ING4: variants seen among roughly 807,000 people sequenced by gnomAD.
ING4 encodes the protein inhibitor of growth family member 4, also known as inhibitor of growth protein 4.
In ING4, 28 loss-of-function variants were observed where a neutral mutation model predicts 33.1. That is an observed-to-expected ratio of 0.85 (90% CI 0.63 to 1.16). The LOEUF is 1.16. ING4 is among the 50% of genes most tolerant of loss of function. ING4 has a pLI of 0.00. For synonymous variants in ING4, 87 were observed against 104.4 expected (o/e 0.83, Z 1.02); for missense variants, 247 against 314.7 (o/e 0.78, Z 1.63).
At chr12:6,651,463 G>T in intron 6 of ING4, 78 bp from the exon 7 acceptor site, 1 of 1,221,482 alleles carries the variant, frequency 8.2e-7, no homozygotes, top group South Asian at 1.2e-5. Context: ...GATTCCTTAG[G>T]AACATCCTGT....
chr12:6,652,938 T>G lies in ING4; in HGVS notation c.389A>C (p.Lys130Thr), dbSNP rs2136265046. ...TCACAGCCCCGCCCCCTCCTCACTC[T>G]TTTTGCCTTTGCTGGAAGAGCTGTC... ...DYDSSSSKGKKSRTQKEKKAA... is the reference protein window; with the variant it reads ...DYDSSSSKGKTSRTQKEKKAA... The change falls in exon 4 of 8, where the codon AAG (lysine) becomes ACG (threonine). Residue 130 changes from lysine to threonine, a missense_variant and splice_region_variant. By Grantham distance (78) the Lys-to-Thr change is moderately conservative. This residue lies in a region of ING4 where 198 missense variants were observed against 221.2 expected (regional missense o/e 0.89). Transcript: ENST00000341550. The G allele has an allele frequency of 1.9e-6, 3 of 1,612,864 alleles. No homozygotes were observed. Among genetic ancestry groups the G allele is most frequent in the Non-Finnish European group, 2.5e-6 (3 of 1,178,972 alleles).
At chr12:6,652,201 A>G (rs1757317736) in intron 6 of ING4, 70 bp downstream of exon 6, 5 of 1,538,026 alleles carry the variant, frequency 3.3e-6, no homozygotes, top group Non-Finnish European at 4.4e-6. Flanking sequence ...CAACTGTGGG[A>G]TTTTCCCTCT....
chr12:6,663,095 C>T lies in ING4; in HGVS notation c.7G>A (p.Ala3Thr), dbSNP rs1373600572. Residue 3 changes from alanine (A) to threonine (T), a missense_variant, in exon 1 of 8, where the codon GCG becomes ACG. Around this residue, in one of 3 missense-constraint regions of ING4, gnomAD observed 198 missense variants for 221.2 expected, o/e 0.89. Coordinates refer to ENST00000341550, the MANE Select transcript of ING4 (RefSeq NM_016162.4). Reference sequence around the variant, plus strand: ...AGATAATGTTCCAAATACATCCCCGCAGCCATCTCGAAGCAAAACAAAGCA... The same window carrying T: ...AGATAATGTTCCAAATACATCCCCGTAGCCATCTCGAAGCAAAACAAAGCA... MAAGMYLEHYLDS... is the reference protein window; with the variant it reads MATGMYLEHYLDS... 1.9e-6 allele frequency: 3 copies of T among 1,614,204 alleles called. No individual in the cohort carries two copies. The highest frequency in any genetic ancestry group is 1.7e-5 in the Admixed American group (1 of 60,012).
At chr12:6,656,171 CTTTT>C (rs199755461) in intron 2 of ING4, among the ~76,000 whole-genome samples, 1 of 141,058 alleles carries the variant, frequency 7.1e-6, no homozygotes, top group Non-Finnish European at 1.6e-5. Flanking sequence ...TTTAATTCTT[CTTTT>C]TTTTTTTTTT....
intron 6 of ING4, 48 bp downstream of exon 6, chr12:6,652,223 C>G: frequency 6.3e-7 from 1 of 1,592,768 alleles, no homozygotes; most frequent in Non-Finnish European, 8.6e-7. Context: ...GTACCCACTC[C>G]CTTCATGCCC....
At chr12:6,652,618 G>T (rs757715279) in intron 5 of ING4, 44 bp downstream of exon 5, 2 of 1,557,124 alleles carry the variant, frequency 1.3e-6, no homozygotes, top group African/African-American at 2.7e-5. Flanking sequence ...GGCACCGGGA[G>T]AGAAGAGGAT....
chr12:6,657,398 G>T (rs1040910050), intron 1 of ING4, among the ~76,000 whole-genome samples: 1 of 151,272 alleles, frequency 6.6e-6, no homozygotes, highest in Non-Finnish European at 1.5e-5. Flanking sequence ...GCAGTGAGCC[G>T]AGATCGCACC....
In ING4 at chr12:6,652,398, G is replaced by A; in HGVS notation, c.518C>T (p.Pro173Leu). ...LVRTSPEYGM[P>L]SVTFGSVHPS... ...GTGGACACTGCCAAAGGTCACTGAG[G>A]GCATCCCATACTCAGGACTTCTGCA... Residue 173 changes from proline (P) to leucine (L), a missense_variant, in exon 6 of 8, where the codon CCC becomes CTC. Transcript: ENST00000341550. The A allele has an allele frequency of 6.2e-7, 1 of 1,613,994 alleles. No homozygotes were observed. Among genetic ancestry groups the A allele is most frequent in the Non-Finnish European group, 8.5e-7 (1 of 1,179,980 alleles).
chr12:6,653,190 T>G (rs777929309), intron 3 of ING4, 40 bp downstream of exon 3: 3 of 1,611,162 alleles, frequency 1.9e-6, no homozygotes, highest in Non-Finnish European at 2.5e-6. Context: ...CCCTGAGGAT[T>G]AGATGGGAAG....
chr12:6,653,282 C>T lies in ING4; in HGVS notation c.224G>A (p.Cys75Tyr). ...CACCTTGTCGTCACCAAATTCCTTG[C>T]ACTTGCCATAGGCTTCCTGGATCTG... is the stretch of plus-strand genomic sequence containing the variant. ...LKQIQEAYGK[C>Y]KEFGDDKVQL... Residue 75 changes from cysteine (C) to tyrosine (Y), a missense_variant, in exon 3 of 8, where the codon TGC becomes TAC. Around this residue, in one of 3 missense-constraint regions of ING4, gnomAD observed 198 missense variants for 221.2 expected, o/e 0.89. Coordinates refer to ENST00000341550, the MANE Select transcript of ING4 (RefSeq NM_016162.4). The T allele has an allele frequency of 6.2e-7, 1 of 1,614,154 alleles. No homozygotes were observed. Among genetic ancestry groups the T allele is most frequent in the East Asian group, 2.2e-5 (1 of 44,874 alleles).
chr12:6,662,619 C>A (rs1039181309), intron 1 of ING4, among the ~76,000 whole-genome samples: 2 of 152,166 alleles, frequency 1.3e-5, no homozygotes, highest in Non-Finnish European at 2.9e-5. Context: ...TCTAGTTCAT[C>A]ATCTGACAGT....
At position 6,652,376 on chromosome 12, in the gene ING4, G is replaced by A. The variant is rs1267680438; in HGVS notation, c.540C>T (p.Val180=). The part of the protein sequence containing the change: ...YGMPSVTFGS[V]HPSDVLDMPV... ...GCATATCCAACACATCAGAGGGGTG[G>A]ACACTGCCAAAGGTCACTGAGGGCA... is the stretch of plus-strand genomic sequence containing the variant. The change falls in exon 6 of 8, where the codon GTC becomes GTT. Residue 180 remains valine (V), a synonymous_variant. Coordinates refer to ENST00000341550, the MANE Select transcript of ING4 (RefSeq NM_016162.4). 4 of 1,614,134 alleles carry A rather than the reference G, an allele frequency of 2.5e-6. No homozygotes were observed. The South Asian group carries it at 4.4e-5, about 18-fold the overall frequency.
chr12:6,653,093 C>G, intron 3 of ING4, 43 bp from the exon 4 acceptor site: 9 of 1,604,208 alleles, frequency 5.6e-6, no homozygotes, highest in Non-Finnish European at 7.7e-6. Context: ...AAAACTATCT[C>G]CAATTAAAGA....
chr12:6,659,225 C>G (rs950127311), intron 1 of ING4, among the ~76,000 whole-genome samples: 2 of 152,178 alleles, frequency 1.3e-5, no homozygotes, highest in Non-Finnish European at 2.9e-5. Context: ...TCAAGACCAG[C>G]CTTGGCAGCC....
rs1949160220 is a variant in ING4, at chr12:6,650,951, G to T, written c.*244C>A. 5.2e-6 allele frequency: 3 copies of T among 578,880 alleles called. No homozygotes were observed. The highest frequency in any genetic ancestry group is 9.3e-6 in the Non-Finnish European group (3 of 322,454). The allele number at this position is 578,880 out of a possible 1,614,324, so 35.9% of individuals were successfully genotyped here. ...ATGGAGGCAAAAGGACAGTGGGCAAGACCACGTCCCTCCGAAGGGAGAGGG... is the reference window on the plus strand; with the variant it reads ...ATGGAGGCAAAAGGACAGTGGGCAATACCACGTCCCTCCGAAGGGAGAGGG... On this transcript the variant is annotated 3_prime_UTR_variant, in exon 8 of 8. Transcript: ENST00000341550.
At chr12:6,656,328 A>C (rs1488144269) in intron 2 of ING4, 1 of 246,784 alleles carries the variant, frequency 4.1e-6, no homozygotes, top group Non-Finnish European at 7.8e-6. Context: ...GGTGCGTGCC[A>C]CCACACCTGG....
chr12:6,656,616 G>A (rs372890189), intron 2 of ING4, 111 bp downstream of exon 2: 4 of 691,324 alleles, frequency 5.8e-6, no homozygotes, highest in South Asian at 1.8e-5. Context: ...AAAAAGGAGC[G>A]AGAGAAGCCA....
Position 6,651,062 on chromosome 12 carries a change from G to T in ING4, c.*133C>A. On this transcript the variant is annotated 3_prime_UTR_variant, in exon 8 of 8. Transcript: ENST00000341550. Reference sequence around the variant, plus strand: ...GCCTCAGCACCGGGAGTGGGGAGAGGGGAGGAGAAGGGATGACAGCACTGT... The same window carrying T: ...GCCTCAGCACCGGGAGTGGGGAGAGTGGAGGAGAAGGGATGACAGCACTGT... 1 of 982,478 alleles carries T rather than the reference G, an allele frequency of 1.0e-6. No homozygotes were observed. The highest frequency in any genetic ancestry group is 1.6e-6 in the Non-Finnish European group (1 of 636,504). 60.9% of individuals were successfully genotyped at this position (982,478 alleles called of 1,614,324 possible).
At position 6,651,098 on chromosome 12, in the gene ING4, C is replaced by A; in HGVS notation, c.*97G>T. 7.4e-7 allele frequency: 1 copy of A among 1,354,836 alleles called. No homozygotes were observed. The highest frequency in any genetic ancestry group is 1.2e-5 in the South Asian group (1 of 83,836). 83.9% of individuals were successfully genotyped at this position (1,354,836 alleles called of 1,614,324 possible). A position where few individuals can be genotyped will look rare whatever the true frequency, so the allele number is the denominator to read the frequency against. ...GGATGACAGCACTGTGCCATCCACTCCTCCCTGAACCCCTGGCCCCAGCAC... is the reference window on the plus strand; with the variant it reads ...GGATGACAGCACTGTGCCATCCACTACTCCCTGAACCCCTGGCCCCAGCAC... On this transcript the variant is annotated 3_prime_UTR_variant, in exon 8 of 8. Coordinates refer to ENST00000341550, the MANE Select transcript of ING4 (RefSeq NM_016162.4).
Sources: gnomAD v4.1 joint callset for allele counts (sites outside exome capture counted in the v4.1 genomes callset) on GRCh38, gnomAD v4.1.1 for gene constraint, gnomAD v4.1.1 regional missense constraint, MANE v1.5 for transcripts, NCBI Gene and HGNC (gene_info 2026-07-23, HGNC 2026-07-21) for gene names.